ROS1: variants seen among roughly 807,000 people sequenced by gnomAD.
The protein encoded by ROS1 is ROS proto-oncogene 1, receptor tyrosine kinase.
ROS1 carries 263 observed loss-of-function variants against 273.5 expected under a neutral mutation model. The ratio of observed to expected loss-of-function variants is 0.96; its 90% CI spans 0.87 to 1.06. ROS1 has a LOEUF of 1.06. ROS1 is among the 50% of genes least tolerant of loss of function. ROS1 has a pLI of 0.00. For synonymous variants in ROS1, 1,008 were observed against 954.1 expected (o/e 1.06, Z -1.04); for missense variants, 2,833 against 2,751.1 (o/e 1.03, Z -0.67).
In ROS1 at chr6:117,342,261, A is replaced by C. The variant is rs568166786; in HGVS notation, c.4651+139T>G. ...TAAGGGTCAGGTCAAAGTTTTCTAC[A>C]AACACATTTTTCTTATTAAACTTAA... On this transcript the variant is annotated intron_variant, in intron 29 of 43. Coordinates refer to ENST00000368507, the MANE Select transcript of ROS1 (RefSeq NM_001378902.1). The C allele has an allele frequency of 2.6e-4, 205 of 793,768 alleles. 1 individual carries two copies. In the East Asian group the frequency reaches 5.5e-3, roughly 21 times the overall value. 49.2% of individuals were successfully genotyped at this position (793,768 alleles called of 1,614,324 possible).
At chr6:117,368,981 A>C (rs558655025) in intron 18 of ROS1, among the ~76,000 whole-genome samples, 1 of 152,258 alleles carries the variant, frequency 6.6e-6, no homozygotes, top group Admixed American at 6.5e-5. Context: ...ACTTGTTTTT[A>C]CTTTTTTTAA....
intron 4 of ROS1, among the ~76,000 whole-genome samples, chr6:117,412,615 GATA>G (rs1775009140): frequency 6.6e-6 from 1 of 151,924 alleles, no homozygotes; most frequent in South Asian, 2.1e-4. Context: ...CAGATAGATA[GATA>G]GATAGATAGA....
At chr6:117,362,027 C>A (rs1037095678) in intron 22 of ROS1, among the ~76,000 whole-genome samples, 1 of 151,954 alleles carries the variant, frequency 6.6e-6, no homozygotes, top group African/African-American at 2.4e-5. Context: ...AATGTATGTA[C>A]AACTATAATA....
chr6:117,353,891 C>T (rs888004973), intron 26 of ROS1, among the ~76,000 whole-genome samples: 1 of 152,170 alleles, frequency 6.6e-6, no homozygotes, highest in Non-Finnish European at 1.5e-5. Context: ...TAGTTAGAGT[C>T]TCCCTTCACT....
chr6:117,335,240 G>T (rs749784178), intron 32 of ROS1, among the ~76,000 whole-genome samples: 2 of 152,072 alleles, frequency 1.3e-5, no homozygotes, highest in Non-Finnish European at 2.9e-5. Context: ...TATGAAAAAA[G>T]CTCAACATCA....
chr6:117,289,559 A>C (rs1270090717), intron 43 of ROS1, among the ~76,000 whole-genome samples: 1 of 152,240 alleles, frequency 6.6e-6, no homozygotes, highest in South Asian at 2.1e-4. Context: ...ATAAGAACGT[A>C]TGAACTACAT....
At chr6:117,377,746 C>T (rs372349456) in intron 18 of ROS1, among the ~76,000 whole-genome samples, 4 of 151,750 alleles carry the variant, frequency 2.6e-5, no homozygotes, top group African/African-American at 9.7e-5. Context: ...AAGCACACCA[C>T]CAAGAAAATA....
At chr6:117,416,747 C>G (rs75489649) in intron 2 of ROS1, among the ~76,000 whole-genome samples, 1 of 152,258 alleles carries the variant, frequency 6.6e-6, no homozygotes, top group East Asian at 1.9e-4. Context: ...CATGTCAAAC[C>G]TAAATAGGTA....
At chr6:117,334,081 T>C (rs186828810) in intron 32 of ROS1, among the ~76,000 whole-genome samples, 51 of 152,306 alleles carry the variant, frequency 3.3e-4, no homozygotes, top group African/African-American at 1.2e-3. Context: ...GACATGATTT[T>C]GTATTTAGAA....
chr6:117,315,639 C>T (rs576318978), intron 39 of ROS1, among the ~76,000 whole-genome samples: 27 of 152,084 alleles, frequency 1.8e-4, no homozygotes, highest in African/African-American at 6.0e-4. Context: ...GAATAAAGGA[C>T]GTTTTCTCAA....
At chr6:117,332,281 A>T (rs1174417572) in intron 32 of ROS1, among the ~76,000 whole-genome samples, 2 of 152,220 alleles carry the variant, frequency 1.3e-5, no homozygotes, top group Admixed American at 1.3e-4. Flanking sequence ...GAACAATTCA[A>T]CAAGAAGAGT....
intron 4 of ROS1, among the ~76,000 whole-genome samples, chr6:117,411,860 T>C (rs559021539): frequency 1.3e-5 from 2 of 152,310 alleles, no homozygotes; most frequent in South Asian, 4.1e-4. Context: ...AGGAGGTAGA[T>C]AATAACTGAG....
rs1582922661 is a variant in ROS1 at position 117,425,585 on chromosome 6, C to A, written c.72G>T (p.Val24=). 6.2e-7 allele frequency: 1 copy of A among 1,612,100 alleles called. No homozygotes were observed. The highest frequency in any genetic ancestry group is 2.2e-5 in the East Asian group (1 of 44,776). The change falls in exon 1 of 44, where the codon GTG becomes GTT. Residue 24 remains valine (V), a synonymous_variant. Transcript: ENST00000368507. ...FATLGCLWIS[V]VQCTVLNSCL... is the part of the protein sequence containing the mutation. ...AGCTATTTAAAACTGTACACTGCAC[C>A]ACAGAAATCCATAGGCAGCCAAGAG...
chr6:117,354,599 A>C (rs1779144719), intron 26 of ROS1, among the ~76,000 whole-genome samples: 1 of 152,222 alleles, frequency 6.6e-6, no homozygotes, highest in Admixed American at 6.5e-5. Flanking sequence ...TTGTTTAAGC[A>C]TGACTATTTT....
At chr6:117,420,999 C>T (rs1775711433) in intron 1 of ROS1, among the ~76,000 whole-genome samples, 1 of 151,504 alleles carries the variant, frequency 6.6e-6, no homozygotes, top group Non-Finnish European at 1.5e-5. Flanking sequence ...TACATCCAAC[C>T]AACAATTCAT....
intron 7 of ROS1, among the ~76,000 whole-genome samples, chr6:117,402,129 C>G (rs1017994196): frequency 6.6e-6 from 1 of 152,146 alleles, no homozygotes; most frequent in Non-Finnish European, 1.5e-5. Context: ...GACTCTCCTT[C>G]CAGAATAAAA....
chr6:117,359,690 C>A (rs2128648105), intron 24 of ROS1, 119 bp downstream of exon 24: 1 of 783,606 alleles, frequency 1.3e-6, no homozygotes. Flanking sequence ...TATACAATAT[C>A]TGTCCTTTTC....
chr6:117,362,477 T>C (rs1779882884), intron 22 of ROS1, 126 bp downstream of exon 22: 1 of 788,930 alleles, frequency 1.3e-6, no homozygotes, highest in East Asian at 2.8e-5. Context: ...TAAAAAACTA[T>C]AGTGGCCAAT....
rs917554997 is a variant in ROS1 at position 117,319,898 on chromosome 6, A to T, written c.5892T>A (p.Val1964=). 1.3e-5 allele frequency: 21 copies of T among 1,613,158 alleles called. No individual in the cohort carries two copies. Among genetic ancestry groups the T allele is most frequent in the Admixed American group, 6.7e-5 (4 of 59,926 alleles). The change falls in exon 37 of 44, where the codon GTT becomes GTA. Residue 1964 remains valine, a synonymous_variant. Coordinates refer to ENST00000368507, the MANE Select transcript of ROS1 (RefSeq NM_001378902.1). ...YEGTAVDILG[V]GSGEIKVAVK... Reference sequence around the variant, plus strand: ...CTGCTACTTTGATTTCTCCACTTCCAACTCCTAAGATGTCCACTGCTGTTC... The same window carrying T: ...CTGCTACTTTGATTTCTCCACTTCCTACTCCTAAGATGTCCACTGCTGTTC...
Sources: gnomAD v4.1 joint callset for allele counts (sites outside exome capture counted in the v4.1 genomes callset) on GRCh38, gnomAD v4.1.1 for gene constraint, MANE v1.5 for transcripts, NCBI Gene and HGNC (gene_info 2026-07-23, HGNC 2026-07-21) for gene names.